Variants in UBTD2 observed in about 807,000 individuals in gnomAD.
UBTD2 encodes ubiquitin domain-containing protein 2.
In UBTD2, 9 loss-of-function variants were observed where a neutral mutation model predicts 19.8. That is an observed-to-expected ratio of 0.46 (90% CI 0.27 to 0.79). UBTD2 has a LOEUF of 0.79. Among genes scored for constraint, UBTD2 ranks in the 30% least tolerant of loss-of-function variants. The pLI, the probability that UBTD2 is intolerant of heterozygous loss-of-function variation, is 0.14. For missense variants in UBTD2, 250 were observed against 300.4 expected (o/e 0.83, Z 1.24); for synonymous variants, 98 against 103.9 (o/e 0.94, Z 0.35).
chr5:172,244,116 G>T (rs1371483966), intron 1 of UBTD2, among the ~76,000 whole-genome samples: 3 of 152,026 alleles, frequency 2.0e-5, no homozygotes, highest in Non-Finnish European at 2.9e-5. Context: ...CAAGCTGATT[G>T]GGGGCATTCT....
rs1771447615 is a variant in UBTD2, at chr5:172,211,576, G to T, written c.*254C>A. On this transcript the variant is annotated 3_prime_UTR_variant, in exon 3 of 3. Transcript: ENST00000393792. The stretch of plus-strand genomic sequence containing the variant: ...AGTTGTTGAGTGTTCTAAAATAAAT[G>T]GTTATCTATTTCTTAACTGCCTTTC... 2.6e-6 allele frequency: 1 copy of T among 383,972 alleles called. No individual in the cohort carries two copies. Among genetic ancestry groups the T allele is most frequent in the African/African-American group, 2.0e-5 (1 of 48,858 alleles). The allele number at this position is 383,972 out of a possible 1,614,324, so 23.8% of individuals were successfully genotyped here. A position where few individuals can be genotyped will look rare whatever the true frequency, so the allele number is the denominator to read the frequency against.
intron 1 of UBTD2, among the ~76,000 whole-genome samples, chr5:172,259,672 G>C (rs1755228440): frequency 6.6e-6 from 1 of 152,130 alleles, no homozygotes; most frequent in South Asian, 2.1e-4. Flanking sequence ...TACCTAGAAG[G>C]CAAAAGTGAT....
At chr5:172,270,070 C>T (rs561868431) in intron 1 of UBTD2, among the ~76,000 whole-genome samples, 55 of 150,834 alleles carry the variant, frequency 3.6e-4, no homozygotes, top group Non-Finnish European at 6.6e-4. Flanking sequence ...GAGCAAGACT[C>T]TGTCTCAATT....
At chr5:172,245,626 C>T (rs1194398299) in intron 1 of UBTD2, among the ~76,000 whole-genome samples, 3 of 151,618 alleles carry the variant, frequency 2.0e-5, no homozygotes, top group African/African-American at 7.3e-5. Flanking sequence ...GCAGGAGAAT[C>T]GTCTGAACCC....
intron 1 of UBTD2, among the ~76,000 whole-genome samples, chr5:172,281,957 C>G (rs953376575): frequency 1.3e-5 from 2 of 152,058 alleles, no homozygotes; most frequent in Admixed American, 1.3e-4. Flanking sequence ...ATAAATTACC[C>G]AAAGCTAAGA....
At chr5:172,279,208 G>A (rs911122293) in intron 1 of UBTD2, among the ~76,000 whole-genome samples, 10 of 152,222 alleles carry the variant, frequency 6.6e-5, no homozygotes, top group Admixed American at 5.9e-4. Context: ...TTAAAGGTTG[G>A]TGCAAAAGTA....
At chr5:172,229,338 A>C (rs1771842598) in intron 2 of UBTD2, among the ~76,000 whole-genome samples, 1 of 151,766 alleles carries the variant, frequency 6.6e-6, no homozygotes, top group Non-Finnish European at 1.5e-5. Context: ...GTCTCTACTA[A>C]AAAATACAAA....
intron 1 of UBTD2, among the ~76,000 whole-genome samples, chr5:172,257,693 T>G (rs367760995): frequency 6.6e-6 from 1 of 152,252 alleles, no homozygotes; most frequent in East Asian, 1.9e-4. Context: ...TATCTCATTC[T>G]GGTTCTGATT....
At chr5:172,212,255 A>G (rs775652354) in intron 2 of UBTD2, 28 bp from the exon 3 acceptor site, 2 of 1,552,504 alleles carry the variant, frequency 1.3e-6, no homozygotes, top group Non-Finnish European at 1.7e-6. Flanking sequence ...ATGAATAAGA[A>G]CTTAATCCTT....
chr5:172,238,174 T>C (rs945865856), intron 1 of UBTD2, among the ~76,000 whole-genome samples: 1 of 152,246 alleles, frequency 6.6e-6, no homozygotes, highest in African/African-American at 2.4e-5. Flanking sequence ...TTTTATGCTC[T>C]TAAACTTTCA....
At chr5:172,220,611 A>G (rs145259307) in intron 2 of UBTD2, among the ~76,000 whole-genome samples, 23 of 152,108 alleles carry the variant, frequency 1.5e-4, no homozygotes, top group Non-Finnish European at 3.4e-4. Flanking sequence ...GGGCAACAAG[A>G]GCAAAATTCC....
intron 1 of UBTD2, among the ~76,000 whole-genome samples, chr5:172,260,150 TA>T: frequency 6.6e-6 from 1 of 151,242 alleles, no homozygotes; most frequent in African/African-American, 2.4e-5. Flanking sequence ...TAAAATTTGA[TA>T]ATATGTCCCT....
rs761263687 is a variant in UBTD2 at position 172,255,215 on chromosome 5, A to G, written c.71-20857T>C. ...AGAGAGGGGTGCAAATTCCCAGCAG[A>G]AGGAGGTGAACTCCGCTTGCTCACC... On this transcript the variant is annotated intron_variant, in intron 1 of 2. Coordinates refer to ENST00000393792, the MANE Select transcript of UBTD2 (RefSeq NM_152277.3). The G allele has an allele frequency of 7.0e-5, 31 of 445,638 alleles. 1 individual carries two copies. The Middle Eastern group carries it at 2.2e-3, about 31-fold the overall frequency. The allele number at this position is 445,638 out of a possible 1,614,324, so 27.6% of individuals were successfully genotyped here. A position where few individuals can be genotyped will look rare whatever the true frequency, so the allele number is the denominator to read the frequency against.
chr5:172,219,797 G>C (rs375367971), intron 2 of UBTD2, among the ~76,000 whole-genome samples: 11 of 152,300 alleles, frequency 7.2e-5, no homozygotes, highest in African/African-American at 2.6e-4. Flanking sequence ...AACACAGTGC[G>C]TGACAAGCGA....
intron 2 of UBTD2, among the ~76,000 whole-genome samples, chr5:172,231,473 G>A (rs1296716879): frequency 1.3e-5 from 2 of 152,092 alleles, no homozygotes; most frequent in African/African-American, 4.8e-5. Context: ...AGGGCTGCCG[G>A]GAACATTTTC....
intron 1 of UBTD2, among the ~76,000 whole-genome samples, chr5:172,270,427 G>A (rs1040427446): frequency 4.3e-5 from 6 of 138,390 alleles, no homozygotes; most frequent in Admixed American, 3.1e-4. Flanking sequence ...GTGCGATCTC[G>A]GCTCTTCAAC....
chr5:172,283,448 C>G lies in UBTD2; in HGVS notation c.70+148G>C. 1 of 579,978 alleles carries G rather than the reference C, an allele frequency of 1.7e-6. No homozygotes were observed. Among genetic ancestry groups the G allele is most frequent in the Non-Finnish European group, 2.5e-6 (1 of 401,824 alleles). 35.9% of individuals were successfully genotyped at this position (579,978 alleles called of 1,614,324 possible). On this transcript the variant is annotated intron_variant, in intron 1 of 2. Transcript: ENST00000393792. This position sits in a 1 kb window ranked among gnomAD's most constrained non-coding sequence, Gnocchi z 4.3. The stretch of plus-strand genomic sequence containing the variant: ...GGGGCGACCCCCGCGGCTGGCAGGA[C>G]AGCCGGAAGCGGAGCGCGGGGAATG...
In UBTD2 at chr5:172,211,731, T is replaced by C. The variant is rs971906516; in HGVS notation, c.*99A>G. On this transcript the variant is annotated 3_prime_UTR_variant, in exon 3 of 3. Coordinates refer to ENST00000393792, the MANE Select transcript of UBTD2 (RefSeq NM_152277.3). ...GAACTAAATCCATTCATAGGGAATTTAGAGCAGTGAAATAGATTTCACGCC... is the reference window on the plus strand; with the variant it reads ...GAACTAAATCCATTCATAGGGAATTCAGAGCAGTGAAATAGATTTCACGCC... 3 of 1,313,550 alleles carry C rather than the reference T, an allele frequency of 2.3e-6. No individual in the cohort carries two copies. The highest frequency in any genetic ancestry group is 1.8e-5 in the South Asian group (1 of 55,272). 81.4% of individuals were successfully genotyped at this position (1,313,550 alleles called of 1,614,324 possible).
intron 2 of UBTD2, among the ~76,000 whole-genome samples, chr5:172,218,358 C>A (rs79446545): frequency 0.33 from 50,400 of 151,686 alleles, 8,473 homozygotes; most frequent in South Asian, 0.42. Flanking sequence ...ATTAGAGAAG[C>A]AGAAATATCT....
Sources: gnomAD v4.1 joint callset for allele counts (sites outside exome capture counted in the v4.1 genomes callset) on GRCh38, gnomAD v4.1.1 for gene constraint, Gnocchi (gnomAD v3.1) non-coding constraint, MANE v1.5 for transcripts, NCBI Gene and HGNC (gene_info 2026-07-23, HGNC 2026-07-21) for gene names.